The following CRTAC1 variants were observed in gnomAD, a reference collection of about 807,000 sequenced individuals.
The protein encoded by CRTAC1 is acidic secreted protein in cartilage.
In CRTAC1, 37 loss-of-function variants were observed where a neutral mutation model predicts 67.8. The observed-to-expected ratio is 0.55, with a 90% confidence interval of 0.42 to 0.72. The LOEUF (loss-of-function observed/expected upper bound fraction) is 0.72, where lower values mean the gene tolerates loss of function less well. CRTAC1 is among the 30% of genes least tolerant of loss of function. The probability of loss-of-function intolerance (pLI) is 0.00; values close to 1 mark genes in which losing one functional copy is unlikely to be tolerated. For missense variants in CRTAC1, 780 were observed against 931.6 expected (o/e 0.84, Z 2.12); for synonymous variants, 348 against 371.0 (o/e 0.94, Z 0.71).
intron 3 of CRTAC1, among the ~76,000 whole-genome samples, chr10:97,926,145 G>A (rs1409642183): frequency 6.6e-6 from 1 of 152,176 alleles, no homozygotes; most frequent in Non-Finnish European, 1.5e-5. Context: ...TGTAGGTGGA[G>A]GCTTCAGCAC....
intron 6 of CRTAC1, among the ~76,000 whole-genome samples, chr10:97,905,630 A>C (rs2050600988): frequency 6.6e-6 from 1 of 152,152 alleles, no homozygotes; most frequent in African/African-American, 2.4e-5. Context: ...TTCTTGGTTC[A>C]CCTGGGTACA....
intron 2 of CRTAC1, among the ~76,000 whole-genome samples, chr10:97,959,991 G>A (rs1393100880): frequency 6.6e-6 from 1 of 152,228 alleles, no homozygotes; most frequent in Non-Finnish European, 1.5e-5. Flanking sequence ...GGCCCCATAG[G>A]CACACTCTGC....
intron 2 of CRTAC1, among the ~76,000 whole-genome samples, chr10:97,993,800 C>A (rs1044891647): frequency 6.6e-6 from 1 of 152,142 alleles, no homozygotes; most frequent in Non-Finnish European, 1.5e-5. Flanking sequence ...AGTCTGCAAT[C>A]TAATGTGAGA....
chr10:97,871,910 C>G (rs368826390), intron 14 of CRTAC1, among the ~76,000 whole-genome samples: 18 of 152,224 alleles, frequency 1.2e-4, no homozygotes, highest in East Asian at 1.2e-3. Context: ...TTCAAGTTAT[C>G]GATTTCTGTA....
At chr10:97,868,314 T>C (rs2136524675) in intron 14 of CRTAC1, 1 of 152,470 alleles carries the variant, frequency 6.6e-6, no homozygotes, top group East Asian at 1.9e-4. Context: ...TGACTTGCCC[T>C]AGGCCACACA....
intron 14 of CRTAC1, among the ~76,000 whole-genome samples, chr10:97,872,800 T>C (rs2136529807): frequency 6.6e-6 from 1 of 152,238 alleles, no homozygotes; most frequent in East Asian, 1.9e-4. Context: ...CAGATCTAAA[T>C]ATAGGGCTGG....
intron 5 of CRTAC1, among the ~76,000 whole-genome samples, chr10:97,916,857 G>A (rs995588823): frequency 4.6e-5 from 7 of 152,280 alleles, no homozygotes; most frequent in African/African-American, 1.2e-4. Flanking sequence ...GTCAGCAGCC[G>A]TGCTGGAATT....
At chr10:98,004,596 T>A (rs1842748964) in intron 2 of CRTAC1, among the ~76,000 whole-genome samples, 1 of 152,168 alleles carries the variant, frequency 6.6e-6, no homozygotes, top group Non-Finnish European at 1.5e-5. Context: ...TTTGCATATG[T>A]GTGTAAGGAT....
intron 2 of CRTAC1, among the ~76,000 whole-genome samples, chr10:97,940,079 T>A (rs1275935829): frequency 1.3e-5 from 2 of 152,172 alleles, no homozygotes; most frequent in Non-Finnish European, 2.9e-5. Flanking sequence ...GATGAATGAA[T>A]GAATAAATAA....
intron 2 of CRTAC1, among the ~76,000 whole-genome samples, chr10:97,984,704 TC>T (rs1169407465): frequency 5.3e-5 from 8 of 152,166 alleles, no homozygotes; most frequent in Admixed American, 1.3e-4. Flanking sequence ...TACATGACCT[TC>T]CAGACCCCTC....
At chr10:97,882,341 C>T (rs953946526) in intron 13 of CRTAC1, among the ~76,000 whole-genome samples, 1 of 152,216 alleles carries the variant, frequency 6.6e-6, no homozygotes, top group South Asian at 2.1e-4. Context: ...CAGTACTGCA[C>T]CAGGCTGCAG....
At chr10:97,901,402 C>T (rs1303386966) in intron 8 of CRTAC1, 101 bp downstream of exon 8, 9 of 1,463,976 alleles carry the variant, frequency 6.1e-6, no homozygotes, top group Non-Finnish European at 8.4e-6. Context: ...GACCCCCTGG[C>T]CCTGGGAACC....
intron 2 of CRTAC1, among the ~76,000 whole-genome samples, chr10:97,936,935 T>G (rs2051098859): frequency 1.3e-5 from 2 of 152,138 alleles, no homozygotes; most frequent in African/African-American, 4.8e-5. Flanking sequence ...TCCCGAGTCC[T>G]GAGTCCCTGT....
At position 97,884,344 on chromosome 10, in the gene CRTAC1, A is replaced by C. The variant is rs747295872; in HGVS notation, c.1494T>G (p.Asp498Glu). 6.4e-7 allele frequency: 1 copy of C among 1,551,294 alleles called. No individual in the cohort carries two copies. Among genetic ancestry groups the C allele is most frequent in the African/African-American group, 1.4e-5 (1 of 73,060 alleles). The change falls in exon 12 of 15, where the codon GAT (aspartate) becomes GAG (glutamate). Residue 498 changes from aspartate to glutamate, a missense_variant. By Grantham distance (45) the Asp-to-Glu change is conservative (BLOSUM62 2). Transcript: ENST00000370597. ...ACGTCACCTCCACACTGCTGGCTTC[A>C]TCCTTCCCTGAGGGGCAGAAGGAGA... ...EPVAHFGLGK[D>E]EASSVEVTWP...
intron 3 of CRTAC1, among the ~76,000 whole-genome samples, chr10:97,932,550 T>C (rs2136609085): frequency 1.3e-5 from 2 of 152,212 alleles, no homozygotes; most frequent in Middle Eastern, 6.8e-3. Flanking sequence ...GGTACAATTT[T>C]AGATACGGGG....
intron 14 of CRTAC1, chr10:97,871,256 G>T (rs1340497566): frequency 6.6e-6 from 1 of 152,178 alleles, no homozygotes; most frequent in African/African-American, 2.4e-5. Context: ...AGCTGCGTCG[G>T]GTTTTGAATC....
At chr10:97,990,450 C>A (rs1377240992) in intron 2 of CRTAC1, among the ~76,000 whole-genome samples, 1 of 152,178 alleles carries the variant, frequency 6.6e-6, no homozygotes, top group Non-Finnish European at 1.5e-5. Flanking sequence ...TATCCAGGGG[C>A]TGATTAATTC....
At position 98,030,423 on chromosome 10, in the gene CRTAC1, T is replaced by TG; in HGVS notation, c.24+25dup. 2 of 1,240,824 alleles carry TG rather than the reference T, an allele frequency of 1.6e-6. No individual in the cohort carries two copies. Among genetic ancestry groups the TG allele is most frequent in the Non-Finnish European group, 2.0e-6 (2 of 981,238 alleles). The allele number at this position is 1,240,824 out of a possible 1,614,324, so 76.9% of individuals were successfully genotyped here. Reference sequence around the variant, plus strand: ...TGGAGAAACTTTCTCCGCCTTAGGGTGGGGGGCACCGGTGCAGATACTCAC... The same window carrying TG: ...TGGAGAAACTTTCTCCGCCTTAGGGTGGGGGGGCACCGGTGCAGATACTCAC... On this transcript the variant is annotated intron_variant, in intron 1 of 14. Transcript: ENST00000370597. This position sits in a 1 kb window ranked among gnomAD's most constrained non-coding sequence, Gnocchi z 4.2.
At chr10:97,906,496 C>G (rs2050614770) in intron 6 of CRTAC1, among the ~76,000 whole-genome samples, 1 of 152,188 alleles carries the variant, frequency 6.6e-6, no homozygotes, top group African/African-American at 2.4e-5. Context: ...CCTTGCCTCT[C>G]TCCTCCCGCC....
Sources: allele counts gnomAD v4.1 joint callset (sites outside exome capture counted in the v4.1 genomes callset), GRCh38; gene constraint gnomAD v4.1.1; non-coding constraint Gnocchi (gnomAD v3.1); transcripts MANE v1.5; gene names NCBI Gene and HGNC (gene_info 2026-07-23, HGNC 2026-07-21).